The following SYNPR variants were observed in gnomAD, a reference collection of about 807,000 sequenced individuals.
The protein encoded by SYNPR is synaptoporin.
SYNPR carries 23 observed loss-of-function variants against 32.9 expected under a neutral mutation model. That is an observed-to-expected ratio of 0.70 (90% CI 0.50 to 0.99). The LOEUF (loss-of-function observed/expected upper bound fraction) is 0.99. SYNPR is among the 50% of genes least tolerant of loss of function. The pLI is 0.00. For missense variants in SYNPR, 318 were observed against 349.3 expected (o/e 0.91, Z 0.71); for synonymous variants, 146 against 135.9 (o/e 1.07, Z -0.52).
intron 2 of SYNPR, among the ~76,000 whole-genome samples, chr3:63,382,863 G>C (rs2087989822): frequency 6.6e-6 from 1 of 152,118 alleles, no homozygotes; most frequent in African/African-American, 2.4e-5. Context: ...AAGAGAGGAG[G>C]GGTTTTGGTT....
chr3:63,204,313 C>T, the SYNPR span, among the ~76,000 whole-genome samples: 28 of 152,296 alleles, frequency 1.8e-4, no homozygotes, highest in East Asian at 5.4e-3. Flanking sequence ...CTTCCAGCAT[C>T]CCCAGGCATT....
chr3:63,424,635 C>T (rs995867511), intron 2 of SYNPR, among the ~76,000 whole-genome samples: 1 of 151,730 alleles, frequency 6.6e-6, no homozygotes, highest in African/African-American at 2.4e-5. Context: ...TTAAACCTTC[C>T]GGATTAAAAA....
chr3:63,518,215 A>AG (rs1701835893), intron 3 of SYNPR, among the ~76,000 whole-genome samples: 1 of 152,016 alleles, frequency 6.6e-6, no homozygotes, highest in Non-Finnish European at 1.5e-5. Context: ...GCAGAGGGGG[A>AG]GGGGGGCTAA....
chr3:63,591,821 G>T (rs1369013415), intron 4 of SYNPR, among the ~76,000 whole-genome samples: 4 of 123,600 alleles, frequency 3.2e-5, no homozygotes, highest in South Asian at 3.4e-4. Flanking sequence ...TGGGGGGAGG[G>T]GGGGAGGGAT....
At chr3:63,512,288 T>C (rs1701711954) in intron 3 of SYNPR, among the ~76,000 whole-genome samples, 1 of 152,126 alleles carries the variant, frequency 6.6e-6, no homozygotes, top group Admixed American at 6.6e-5. Flanking sequence ...CAGTGGGCTT[T>C]CTCAATGGAT....
At chr3:63,425,780 CT>C (rs556889581) in intron 2 of SYNPR, among the ~76,000 whole-genome samples, 2,954 of 136,708 alleles carry the variant, frequency 0.022, 43 homozygotes, top group African/African-American at 0.026. Context: ...TGGAAATAGA[CT>C]TTTTTTTTTT....
At chr3:63,266,376 T>C (rs2086485335) in intron 2 of SYNPR, among the ~76,000 whole-genome samples, 1 of 151,980 alleles carries the variant, frequency 6.6e-6, no homozygotes, top group East Asian at 1.9e-4. Context: ...GCCTAGTATC[T>C]TGTAGGTGCT....
intron 1 of SYNPR, among the ~76,000 whole-genome samples, chr3:63,232,687 A>G (rs889449817): frequency 6.6e-6 from 1 of 152,078 alleles, no homozygotes; most frequent in African/African-American, 2.4e-5. Flanking sequence ...TGAGCTAGCT[A>G]CCTCTCAGAG....
upstream of SYNPR, among the ~76,000 whole-genome samples, chr3:63,226,090 A>C (rs998389761): frequency 6.6e-6 from 1 of 152,236 alleles, no homozygotes. Flanking sequence ...CCAACGGATA[A>C]ATGTTCAACA....
intron 2 of SYNPR, among the ~76,000 whole-genome samples, chr3:63,327,691 G>T (rs2087182134): frequency 6.6e-6 from 1 of 152,084 alleles, no homozygotes; most frequent in African/African-American, 2.4e-5. Flanking sequence ...ACAAAAGACA[G>T]TACAATATAT....
At chr3:63,282,792 C>A (rs1381172085) in intron 2 of SYNPR, among the ~76,000 whole-genome samples, 1 of 151,620 alleles carries the variant, frequency 6.6e-6, no homozygotes, top group Non-Finnish European at 1.5e-5. Context: ...AAGTTTCATT[C>A]TTTGTATTTG....
intron 2 of SYNPR, among the ~76,000 whole-genome samples, chr3:63,371,381 G>A (rs1192237424): frequency 6.6e-6 from 1 of 152,162 alleles, no homozygotes; most frequent in Non-Finnish European, 1.5e-5. Context: ...GGGGAGGTCA[G>A]GCTCCCTTGC....
chr3:63,403,441 T>TACACACACACACAC (rs10559096), intron 2 of SYNPR, among the ~76,000 whole-genome samples: 87 of 146,014 alleles, frequency 6.0e-4, no homozygotes, highest in South Asian at 1.6e-3. Flanking sequence ...TGTATACACA[T>TACACACACACACAC]ACACACACAC....
chr3:63,588,898 T>C (rs865938061), intron 4 of SYNPR, among the ~76,000 whole-genome samples: 3 of 152,008 alleles, frequency 2.0e-5, no homozygotes, highest in Non-Finnish European at 4.4e-5. Context: ...TGGGGAAGTA[T>C]AGAGAGACAA....
intron 4 of SYNPR, among the ~76,000 whole-genome samples, chr3:63,568,947 A>G (rs1310051755): frequency 6.6e-6 from 1 of 152,212 alleles, no homozygotes; most frequent in Non-Finnish European, 1.5e-5. Flanking sequence ...GCATCAAAAT[A>G]GTATTAATGG....
intron 2 of SYNPR, among the ~76,000 whole-genome samples, chr3:63,294,257 A>G (rs923431889): frequency 2.0e-5 from 3 of 152,214 alleles, no homozygotes; most frequent in Non-Finnish European, 4.4e-5. Flanking sequence ...TTGCTGGCTC[A>G]GAAGATTATA....
intron 3 of SYNPR, among the ~76,000 whole-genome samples, chr3:63,482,480 C>T (rs1701068206): frequency 6.6e-6 from 1 of 152,100 alleles, no homozygotes; most frequent in African/African-American, 2.4e-5. Flanking sequence ...CCAGCCAGTC[C>T]TCCTCAACCT....
At chr3:63,383,635 ACT>A (rs1213153927) in intron 2 of SYNPR, among the ~76,000 whole-genome samples, 1 of 151,858 alleles carries the variant, frequency 6.6e-6, no homozygotes, top group Non-Finnish European at 1.5e-5. Context: ...ACAGAGCAAG[ACT>A]CTGTCTCCAA....
chr3:63,473,009 C>T (rs546786025), intron 2 of SYNPR, among the ~76,000 whole-genome samples: 1 of 152,182 alleles, frequency 6.6e-6, no homozygotes, highest in African/African-American at 2.4e-5. Flanking sequence ...GTAGCCCATA[C>T]CTGACATATT....
Sources: allele counts gnomAD v4.1 joint callset (sites outside exome capture counted in the v4.1 genomes callset), GRCh38; gene constraint gnomAD v4.1.1; transcripts MANE v1.5; gene names NCBI Gene and HGNC (gene_info 2026-07-23, HGNC 2026-07-21).